ANO5: variants seen among roughly 807,000 people sequenced by gnomAD.
ANO5 encodes anoctamin 5.
ANO5 carries 109 observed loss-of-function variants against 121.0 expected under a neutral mutation model. The observed-to-expected ratio is 0.90, with a 90% CI of 0.77 to 1.06. The LOEUF is 1.06. Ranked by LOEUF, ANO5 falls within the 50% of genes least tolerant of loss-of-function variation. The pLI, the probability that ANO5 is intolerant of heterozygous loss-of-function variation, is 0.00. For synonymous variants in ANO5, 406 were observed against 359.9 expected, an observed-to-expected ratio of 1.13 and a Z score of -1.45; for missense variants, 1,064 against 1,078.5, an observed-to-expected ratio of 0.99 and a Z score of 0.19.
At chr11:22,211,236 G>A (rs1412429851) in intron 2 of ANO5, 28 bp from the exon 3 acceptor site, 15 of 1,609,122 alleles carry the variant, frequency 9.3e-6, no homozygotes, top group Non-Finnish European at 1.2e-5. Flanking sequence ...ATTAATAATA[G>A]CATTATATCT....
Position 22,250,978 on chromosome 11 carries a change from A to G in ANO5, c.1147A>G (p.Thr383Ala). The change falls in exon 12 of 22, where the codon ACA (threonine) becomes GCA (alanine). Residue 383 changes from threonine (T) to alanine (A), a missense_variant. Physicochemically the swap from Thr to Ala is moderately conservative, Grantham distance 58. Transcript: ENST00000324559. ...CTCCCATTTGTTTGATAATGAGTCA[A>G]CAGTGTTCTTTGCAATATTCATGGG... ...KFSHLFDNES[T>A]VFFAIFMGIW... The G allele has an allele frequency of 6.2e-7, 1 of 1,612,528 alleles. No individual in the cohort carries two copies. The highest frequency in any genetic ancestry group is 8.5e-7 in the Non-Finnish European group (1 of 1,179,476).
intron 4 of ANO5, among the ~76,000 whole-genome samples, chr11:22,219,036 G>T (rs10766921): frequency 0.73 from 111,259 of 151,988 alleles, 41,394 homozygotes; most frequent in Non-Finnish European, 0.81. Flanking sequence ...ACAAAAGCAT[G>T]ATGTATGTTA....
At chr11:22,202,425 G>A (rs1014234059) in intron 1 of ANO5, among the ~76,000 whole-genome samples, 2 of 151,492 alleles carry the variant, frequency 1.3e-5, no homozygotes, top group African/African-American at 4.9e-5. Context: ...TCATACTTGG[G>A]TTGTGAAAAA....
At chr11:22,251,132 T>C (rs1853801879) in intron 12 of ANO5, 121 bp downstream of exon 12, 1 of 1,016,666 alleles carries the variant, frequency 9.8e-7, no homozygotes, top group Non-Finnish European at 1.5e-6. Flanking sequence ...TCATTGTGTC[T>C]TTGTTAGCAT....
chr11:22,244,269 G>T (rs1291200280), intron 9 of ANO5, among the ~76,000 whole-genome samples: 3 of 152,056 alleles, frequency 2.0e-5, no homozygotes, highest in Non-Finnish European at 2.9e-5. Context: ...CTGCTGACAG[G>T]TCTGCTGCTA....
intron 2 of ANO5, among the ~76,000 whole-genome samples, chr11:22,206,143 GAGAC>G (rs1240277253): frequency 3.3e-5 from 5 of 151,894 alleles, no homozygotes; most frequent in African/African-American, 1.2e-4. Context: ...GATACCAAAA[GAGAC>G]AGACAGTTTA....
intron 9 of ANO5, among the ~76,000 whole-genome samples, chr11:22,241,474 T>C (rs1373449733): frequency 1.3e-5 from 2 of 151,956 alleles, no homozygotes; most frequent in Non-Finnish European, 1.5e-5. Context: ...CTCCAAACTG[T>C]TTTCCACAGC....
Position 22,270,190 on chromosome 11 carries a change from G to C in ANO5, c.1899-122G>C. Reference sequence around the variant, plus strand: ...GCTTTGGCTGGTGTCATTTCTCTTTGCTCTGTGATCTTAAGTTATTTAATC... The same window carrying C: ...GCTTTGGCTGGTGTCATTTCTCTTTCCTCTGTGATCTTAAGTTATTTAATC... On this transcript the variant is annotated intron_variant, in intron 17 of 21. Transcript: ENST00000324559. 2.3e-6 allele frequency: 3 copies of C among 1,303,024 alleles called. No individual in the cohort carries two copies. The South Asian group carries it at 3.8e-5, about 17-fold the overall frequency. 80.7% of individuals were successfully genotyped at this position (1,303,024 alleles called of 1,614,324 possible). A position where few individuals can be genotyped will look rare whatever the true frequency, so the allele number is the denominator to read the frequency against.
At position 22,276,204 on chromosome 11, in the gene ANO5, G is replaced by A. The variant is rs1564954182; in HGVS notation, c.2520+5G>A. ...ACCTTCATCATTGTTATGGAAGTAA[G>A]CTGTTCTTAACTTTCATTCGAGTTA... On this transcript the variant is annotated splice_donor_5th_base_variant and intron_variant, in intron 21 of 21. Transcript: ENST00000324559. 3 of 1,597,840 alleles carry A rather than the reference G, an allele frequency of 1.9e-6. No homozygotes were observed. Among genetic ancestry groups the A allele is most frequent in the Non-Finnish European group, 1.7e-6 (2 of 1,165,894 alleles).
At chr11:22,226,505 A>G (rs758387885) in intron 6 of ANO5, among the ~76,000 whole-genome samples, 94 of 152,030 alleles carry the variant, frequency 6.2e-4, no homozygotes, top group Non-Finnish European at 1.3e-3. Context: ...TTAAAGGCCT[A>G]TTTAATATCT....
chr11:22,206,734 CA>C (rs942971627), intron 2 of ANO5, among the ~76,000 whole-genome samples: 30 of 152,012 alleles, frequency 2.0e-4, no homozygotes, highest in African/African-American at 6.5e-4. Context: ...AAAATAAACA[CA>C]AACTCTCAGA....
At chr11:22,252,376 T>C (rs1253667351) in intron 12 of ANO5, among the ~76,000 whole-genome samples, 3 of 152,180 alleles carry the variant, frequency 2.0e-5, no homozygotes, top group Non-Finnish European at 4.4e-5. Flanking sequence ...ATTGTTTCCA[T>C]TGAGAGAGAT....
At chr11:22,276,038 A>C in intron 20 of ANO5, 56 bp from the exon 21 acceptor site, 1 of 1,161,924 alleles carries the variant, frequency 8.6e-7, no homozygotes, top group Non-Finnish European at 1.3e-6. Context: ...AGGTCTCTCT[A>C]GTTGAAGCTA....
chr11:22,269,404 G>GAAA (rs374535843), intron 17 of ANO5, among the ~76,000 whole-genome samples: 4 of 131,798 alleles, frequency 3.0e-5, no homozygotes, highest in African/African-American at 1.2e-4. Flanking sequence ...GAAGGAAGGA[G>GAAA]AAAAAAAGAG....
chr11:22,200,005 A>G (rs139320208), intron 1 of ANO5, among the ~76,000 whole-genome samples: 1 of 152,210 alleles, frequency 6.6e-6, no homozygotes, highest in East Asian at 1.9e-4. Flanking sequence ...TTTCTCATGC[A>G]TGGTTTTGTA....
rs575458063 is a variant in ANO5, at chr11:22,282,666, A to G, written c.*2901A>G. The G allele has an allele frequency of 6.6e-6, 1 of 152,300 alleles. No individual in the cohort carries two copies. Among genetic ancestry groups the G allele is most frequent in the African/African-American group, 2.4e-5 (1 of 41,580 alleles). The allele number at this position is 152,300 out of a possible 1,614,324, so 9.4% of individuals were successfully genotyped here. ...TTAAAAAAGACACCTAATGAAAGTGAGAGAAAAGCTAAAGAAAATTTCAAT... is the reference window on the plus strand; with the variant it reads ...TTAAAAAAGACACCTAATGAAAGTGGGAGAAAAGCTAAAGAAAATTTCAAT... On this transcript the variant is annotated 3_prime_UTR_variant, in exon 22 of 22. Transcript: ENST00000324559.
At chr11:22,215,209 G>A (rs1852401602) in intron 3 of ANO5, among the ~76,000 whole-genome samples, 1 of 151,912 alleles carries the variant, frequency 6.6e-6, no homozygotes, top group African/African-American at 2.4e-5. Context: ...AGGAGTATGG[G>A]CCTTGATCAC....
At chr11:22,264,846 G>A (rs7951138) in intron 17 of ANO5, among the ~76,000 whole-genome samples, 22,568 of 152,092 alleles carry the variant, frequency 0.15, 4,869 homozygotes, top group African/African-American at 0.47. Flanking sequence ...CCAGAGTACA[G>A]TTCCAGCCTG....
At chr11:22,196,099 T>C (rs1475776961) in intron 1 of ANO5, among the ~76,000 whole-genome samples, 1 of 152,204 alleles carries the variant, frequency 6.6e-6, no homozygotes, top group Non-Finnish European at 1.5e-5. Flanking sequence ...TAGCCTACTT[T>C]TTTTTATTGC....
Sources: allele counts gnomAD v4.1 joint callset (sites outside exome capture counted in the v4.1 genomes callset), GRCh38; gene constraint gnomAD v4.1.1; transcripts MANE v1.5; gene names NCBI Gene and HGNC (gene_info 2026-07-23, HGNC 2026-07-21).